The following LRRTM4 variants were observed in gnomAD, a reference collection of about 807,000 sequenced individuals.
LRRTM4 encodes the protein leucine rich repeat transmembrane neuronal 4.
LRRTM4 carries 25 observed loss-of-function variants against 47.6 expected under a neutral mutation model. The ratio of observed to expected loss-of-function variants is 0.53; its 90% CI spans 0.38 to 0.73. The LOEUF (loss-of-function observed/expected upper bound fraction) is 0.73. Ranked by LOEUF, LRRTM4 falls within the 30% of genes least tolerant of loss-of-function variation. The probability of loss-of-function intolerance (pLI) is 0.00; values close to 1 mark genes in which losing one functional copy is unlikely to be tolerated. For missense variants in LRRTM4, 638 were observed against 713.4 expected, an observed-to-expected ratio of 0.89 and a Z score of 1.20; for synonymous variants, 311 against 269.5, an observed-to-expected ratio of 1.15 and a Z score of -1.51.
intron 3 of LRRTM4, among the ~76,000 whole-genome samples, chr2:76,955,407 A>G (rs1015992646): frequency 6.6e-6 from 1 of 151,870 alleles, no homozygotes; most frequent in Admixed American, 6.6e-5. Flanking sequence ...ACAGATTGTT[A>G]CCATGATAAG....
At position 77,167,023 on chromosome 2, in the gene LRRTM4, T is replaced by C. The variant is rs188487328; in HGVS notation, c.1551+351295A>G. 2.6e-4 allele frequency among the ~76,000 whole-genome samples: 40 copies of C among 152,158 alleles called. No homozygotes were observed. The East Asian group carries it at 5.8e-3, about 22-fold the overall frequency. ...CTACCATCAGAGTGAAGAGGCAACC[T>C]ACAGAATGGGAGAAAATTTTTACAA... On this transcript the variant is annotated intron_variant, in intron 3 of 3. Coordinates refer to ENST00000409884, the MANE Select transcript of LRRTM4 (RefSeq NM_001134745.3).
At chr2:77,274,406 T>C (rs1356436081) in intron 3 of LRRTM4, among the ~76,000 whole-genome samples, 1 of 152,148 alleles carries the variant, frequency 6.6e-6, no homozygotes, top group Non-Finnish European at 1.5e-5. Flanking sequence ...GGTGTTTGGA[T>C]GATAAATTTG....
intron 3 of LRRTM4, among the ~76,000 whole-genome samples, chr2:77,339,447 C>T (rs1671288966): frequency 1.3e-5 from 2 of 151,788 alleles, no homozygotes; most frequent in South Asian, 4.1e-4. Context: ...ACAGTGAAAA[C>T]AAAGATTTTT....
At chr2:77,467,476 T>G (rs1204023086) in intron 3 of LRRTM4, among the ~76,000 whole-genome samples, 1 of 152,160 alleles carries the variant, frequency 6.6e-6, no homozygotes, top group African/African-American at 2.4e-5. Context: ...TGGATGAAAT[T>G]CCACTTCAGA....
intron 3 of LRRTM4, among the ~76,000 whole-genome samples, chr2:77,513,538 G>A (rs138877832): frequency 3.4e-4 from 51 of 152,048 alleles, no homozygotes; most frequent in African/African-American, 1.2e-3. Flanking sequence ...AAGAATTTTA[G>A]ACTACATAGA....
rs190465273 is a variant in LRRTM4 at position 77,003,969 on chromosome 2, T to A, written c.1552-255053A>T. 1.4e-4 allele frequency among the ~76,000 whole-genome samples: 21 copies of A among 152,190 alleles called. 1 individual carries two copies. The highest frequency in any genetic ancestry group is 1.2e-3 in the Admixed American group (19 of 15,276). ...GCTGGAACAAAGGTCACTCTTCCTATGCAAAGAAACTGGTAGCGTTTTGCC... is the reference window on the plus strand; with the variant it reads ...GCTGGAACAAAGGTCACTCTTCCTAAGCAAAGAAACTGGTAGCGTTTTGCC... On this transcript the variant is annotated intron_variant, in intron 3 of 3. Transcript: ENST00000409884.
At chr2:76,968,804 G>A (rs1158679218) in intron 3 of LRRTM4, among the ~76,000 whole-genome samples, 1 of 151,780 alleles carries the variant, frequency 6.6e-6, no homozygotes, top group Non-Finnish European at 1.5e-5. Flanking sequence ...GACTTCTCGT[G>A]TTCAGCAAAG....
chr2:77,272,019 T>C (rs1188052765), intron 3 of LRRTM4, among the ~76,000 whole-genome samples: 1 of 144,846 alleles, frequency 6.9e-6, no homozygotes, highest in African/African-American at 2.9e-5. Flanking sequence ...TTTCCTATGG[T>C]TTTTTGCTTG....
chr2:77,465,389 T>C (rs969237922), intron 3 of LRRTM4, among the ~76,000 whole-genome samples: 3 of 152,096 alleles, frequency 2.0e-5, no homozygotes, highest in African/African-American at 7.2e-5. Context: ...ATGTATGGGG[T>C]TTTAATTTGA....
chr2:77,250,294 C>T (rs1376618635), intron 3 of LRRTM4, among the ~76,000 whole-genome samples: 5 of 151,988 alleles, frequency 3.3e-5, no homozygotes, highest in African/African-American at 1.2e-4. Flanking sequence ...ATGAACTTTG[C>T]GTGATAATGA....
intron 3 of LRRTM4, among the ~76,000 whole-genome samples, chr2:76,936,871 C>T (rs1217618096): frequency 7.3e-6 from 1 of 136,740 alleles, no homozygotes; most frequent in East Asian, 2.3e-4. Context: ...GGGAGAATCG[C>T]TTGAACCCAG....
intron 3 of LRRTM4, among the ~76,000 whole-genome samples, chr2:76,942,461 T>C (rs923362053): frequency 4.0e-5 from 6 of 151,762 alleles, no homozygotes; most frequent in Non-Finnish European, 5.9e-5. Context: ...ACAGAATAGG[T>C]ATTTCTGATG....
Position 76,766,224 on chromosome 2 carries a change from G to A in LRRTM4, c.1552-17308C>T, listed in dbSNP as rs565729042. On this transcript the variant is annotated intron_variant, in intron 3 of 3. Coordinates refer to ENST00000409884, the MANE Select transcript of LRRTM4 (RefSeq NM_001134745.3). Reference sequence around the variant, plus strand: ...TTTAAATGAGGCTGGAACTGGGAGGGGGTTATACATGTGGCGAATTGTTCC... The same window carrying A: ...TTTAAATGAGGCTGGAACTGGGAGGAGGTTATACATGTGGCGAATTGTTCC... 2.0e-4 allele frequency among the ~76,000 whole-genome samples: 30 copies of A among 152,234 alleles called. No homozygotes were observed. The South Asian group carries it at 2.9e-3, about 15-fold the overall frequency.
At chr2:77,297,053 G>C (rs1173516777) in intron 3 of LRRTM4, among the ~76,000 whole-genome samples, 1 of 152,232 alleles carries the variant, frequency 6.6e-6, no homozygotes. Flanking sequence ...GCCGGCATTA[G>C]TAAATCTTCT....
chr2:76,854,850 C>A (rs972458280), intron 3 of LRRTM4, among the ~76,000 whole-genome samples: 3 of 140,736 alleles, frequency 2.1e-5, no homozygotes, highest in South Asian at 2.2e-4. Context: ...TCTATAAGGG[C>A]GAGAAAGACC....
chr2:76,874,369 C>A (rs889624428), intron 3 of LRRTM4, among the ~76,000 whole-genome samples: 4 of 151,924 alleles, frequency 2.6e-5, no homozygotes, highest in Non-Finnish European at 4.4e-5. Flanking sequence ...TATGGCTATA[C>A]TGTAATCACC....
At chr2:77,303,130 A>G (rs1013755214) in intron 3 of LRRTM4, among the ~76,000 whole-genome samples, 3 of 151,770 alleles carry the variant, frequency 2.0e-5, no homozygotes, top group African/African-American at 7.3e-5. Context: ...TCCCAGAAAA[A>G]TCTTCCTCAA....
chr2:77,066,411 AC>A (rs1269120251), intron 3 of LRRTM4, among the ~76,000 whole-genome samples: 11 of 152,326 alleles, frequency 7.2e-5, no homozygotes, highest in African/African-American at 2.6e-4. Flanking sequence ...AGGTACAGCT[AC>A]CTGTGGTCAT....
Position 76,907,221 on chromosome 2 carries a change from T to A in LRRTM4, c.1552-158305A>T, listed in dbSNP as rs1222154715. 7.2e-5 allele frequency among the ~76,000 whole-genome samples: 11 copies of A among 151,970 alleles called. No individual in the cohort carries two copies. In the East Asian group the frequency reaches 9.7e-4, roughly 13 times the overall value. The stretch of plus-strand genomic sequence containing the variant: ...AAACTGCTCAACTACATGGAAACTG[T>A]ACAACCTGCTCCTGAATGACTACCA... On this transcript the variant is annotated intron_variant, in intron 3 of 3. Coordinates refer to ENST00000409884, the MANE Select transcript of LRRTM4 (RefSeq NM_001134745.3).
Sources: allele counts gnomAD v4.1 joint callset (sites outside exome capture counted in the v4.1 genomes callset), GRCh38; gene constraint gnomAD v4.1.1; transcripts MANE v1.5; gene names NCBI Gene and HGNC (gene_info 2026-07-23, HGNC 2026-07-21).